ABCA12: variants seen among roughly 807,000 people sequenced by gnomAD.
ABCA12 encodes the protein glucosylceramide transporter ABCA12.
In ABCA12, 156 loss-of-function variants were observed where a neutral mutation model predicts 293.5. The ratio of observed to expected loss-of-function variants is 0.53; its 90% CI spans 0.47 to 0.61. The LOEUF (loss-of-function observed/expected upper bound fraction) is 0.61, where lower values mean the gene tolerates loss of function less well. Ranked by LOEUF, ABCA12 falls within the 20% of genes least tolerant of loss-of-function variation. The probability of loss-of-function intolerance (pLI) is 0.00; values close to 1 mark genes in which losing one functional copy is unlikely to be tolerated. For missense variants in ABCA12, 2,797 were observed against 3,090.2 expected (o/e 0.91, Z 2.25); for synonymous variants, 1,063 against 1,108.0 (o/e 0.96, Z 0.81).
chr2:215,024,551 C>A (rs1166662695), intron 11 of ABCA12, among the ~76,000 whole-genome samples: 1 of 152,068 alleles, frequency 6.6e-6, no homozygotes, highest in African/African-American at 2.4e-5. Flanking sequence ...TTCTCATTTG[C>A]ACAAACAAAT....
chr2:214,940,372 T>C (rs1434959956), intron 50 of ABCA12, among the ~76,000 whole-genome samples: 1 of 152,186 alleles, frequency 6.6e-6, no homozygotes, highest in Admixed American at 6.5e-5. Flanking sequence ...TTGCCAGTAT[T>C]TTACTGAGGA....
At chr2:215,134,597 C>CTATATATA (rs1377642965) in intron 1 of ABCA12, among the ~76,000 whole-genome samples, 1 of 83,000 alleles carries the variant, frequency 1.2e-5, no homozygotes, top group African/African-American at 8.5e-5. Flanking sequence ...CTCTCTCTCT[C>CTATATATA]TCTATATATA....
At chr2:215,015,759 AAAAC>A (rs1284988041) in intron 14 of ABCA12, 96 bp from the exon 15 acceptor site, 4 of 1,133,990 alleles carry the variant, frequency 3.5e-6, no homozygotes, top group Non-Finnish European at 3.9e-6. Flanking sequence ...ATTTTAAACT[AAAAC>A]AAAAGGTCCT....
chr2:215,037,429 TAGAA>T (rs1360428770), intron 7 of ABCA12, among the ~76,000 whole-genome samples: 1 of 152,100 alleles, frequency 6.6e-6, no homozygotes, highest in Non-Finnish European at 1.5e-5. Flanking sequence ...AATTAAATAT[TAGAA>T]AGTATTTTCA....
intron 2 of ABCA12, among the ~76,000 whole-genome samples, chr2:215,076,710 T>C (rs1336287374): frequency 1.3e-5 from 2 of 152,176 alleles, no homozygotes; most frequent in African/African-American, 4.8e-5. Flanking sequence ...TGGTAATAAA[T>C]TGAAAGTGTT....
intron 9 of ABCA12, among the ~76,000 whole-genome samples, chr2:215,027,696 C>G (rs1361536463): frequency 7.9e-5 from 12 of 152,048 alleles, no homozygotes; most frequent in Admixed American, 7.2e-4. Context: ...TCTGGCAACC[C>G]CCTTCTGACT....
chr2:214,989,704 T>G (rs1427784732), intron 24 of ABCA12, 83 bp from the exon 25 acceptor site: 1 of 1,453,800 alleles, frequency 6.9e-7, no homozygotes, highest in Non-Finnish European at 9.4e-7. Context: ...CTTAAAACTT[T>G]GGACATTTGT....
intron 2 of ABCA12, among the ~76,000 whole-genome samples, chr2:215,098,944 A>G (rs192503698): frequency 2.6e-4 from 39 of 152,334 alleles, no homozygotes; most frequent in Admixed American, 2.3e-3. Flanking sequence ...GCCCTTTGTT[A>G]TTGCACCATT....
At position 214,932,411 on chromosome 2, in the gene ABCA12, G is replaced by GTGT. The variant is rs1162198192; in HGVS notation, c.*220_*222dup. ...CAGCATATACATTAGCATGCTCACA[G>GTGT]TGTTGAGTATACAGGAATTCATTTC... On this transcript the variant is annotated 3_prime_UTR_variant, in exon 53 of 53. Coordinates refer to ENST00000272895, the MANE Select transcript of ABCA12 (RefSeq NM_173076.3). 1.1e-5 allele frequency: 6 copies of GTGT among 547,366 alleles called. No homozygotes were observed. The highest frequency in any genetic ancestry group is 6.4e-5 in the East Asian group (2 of 31,358). 33.9% of individuals were successfully genotyped at this position (547,366 alleles called of 1,614,324 possible).
At chr2:215,010,220 T>C (rs900556183) in intron 18 of ABCA12, 111 bp downstream of exon 18, 4 of 1,320,264 alleles carry the variant, frequency 3.0e-6, no homozygotes, top group Non-Finnish European at 4.3e-6. Context: ...AGGATAATAA[T>C]AATAGTAGGT....
chr2:215,000,834 T>C lies in ABCA12; in HGVS notation c.3050A>G (p.Tyr1017Cys). Reference protein sequence around the residue: ...PHNSPSHNQIYGRAFIYLQDS... With the variant: ...PHNSPSHNQICGRAFIYLQDS... ...CTGTAAATAAATAAAAGCCCTGCCA[T>C]AGATCTGGTTGTGTGATGGAGAATT... is the stretch of plus-strand genomic sequence containing the variant. Residue 1017 changes from tyrosine (Y) to cysteine (C), a missense_variant, in exon 22 of 53, where the codon TAT becomes TGT. Transcript: ENST00000272895. 6.2e-7 allele frequency: 1 copy of C among 1,614,118 alleles called. No individual in the cohort carries two copies. The highest frequency in any genetic ancestry group is 8.5e-7 in the Non-Finnish European group (1 of 1,180,000).
chr2:215,116,042 AT>A (rs1218140414), intron 1 of ABCA12, among the ~76,000 whole-genome samples: 2 of 152,358 alleles, frequency 1.3e-5, no homozygotes, highest in East Asian at 3.9e-4. Flanking sequence ...CTTCAAGGTA[AT>A]TATAACAATT....
chr2:214,979,174 T>C (rs1348206128), intron 31 of ABCA12, 134 bp from the exon 32 acceptor site: 6 of 803,252 alleles, frequency 7.5e-6, no homozygotes, highest in Non-Finnish European at 1.3e-5. Context: ...ATCACTGCTC[T>C]AGAGACCCCT....
intron 2 of ABCA12, among the ~76,000 whole-genome samples, chr2:215,077,433 A>G (rs956451078): frequency 6.6e-6 from 1 of 152,116 alleles, no homozygotes; most frequent in Non-Finnish European, 1.5e-5. Flanking sequence ...TGGGTAACTC[A>G]TTTACCTAGG....
intron 8 of ABCA12, among the ~76,000 whole-genome samples, chr2:215,033,678 A>G (rs1362005232): frequency 6.6e-6 from 1 of 152,218 alleles, no homozygotes; most frequent in African/African-American, 2.4e-5. Context: ...ACAGTGGCTC[A>G]TGCCTGTAAT....
At chr2:215,024,981 A>G (rs1370426842) in intron 11 of ABCA12, among the ~76,000 whole-genome samples, 2 of 152,162 alleles carry the variant, frequency 1.3e-5, no homozygotes, top group East Asian at 3.8e-4. Flanking sequence ...AAATTTTAAT[A>G]TAAATTATTC....
intron 2 of ABCA12, chr2:215,075,348 C>T (rs892976522): frequency 1.2e-5 from 6 of 514,762 alleles, no homozygotes; most frequent in Non-Finnish European, 2.0e-5. Context: ...TTTTCAACTT[C>T]TTCCCCAAAT....
At chr2:215,136,647 C>T (rs932004662) in intron 1 of ABCA12, among the ~76,000 whole-genome samples, 3 of 152,162 alleles carry the variant, frequency 2.0e-5, no homozygotes, top group African/African-American at 4.8e-5. Context: ...AGTATCTTCT[C>T]CTGAATTTCC....
chr2:215,121,735 C>T (rs1467487062), intron 1 of ABCA12, among the ~76,000 whole-genome samples: 5 of 152,172 alleles, frequency 3.3e-5, no homozygotes, highest in African/African-American at 7.2e-5. Flanking sequence ...ATCATGGGGG[C>T]GGGTCTTTCC....
Sources: gnomAD v4.1 joint callset for allele counts (sites outside exome capture counted in the v4.1 genomes callset) on GRCh38, gnomAD v4.1.1 for gene constraint, MANE v1.5 for transcripts, NCBI Gene and HGNC (gene_info 2026-07-23, HGNC 2026-07-21) for gene names.